ZAN: variants seen among roughly 807,000 people sequenced by gnomAD.
ZAN encodes the protein zonadhesin, also known as zonadhesin (gene/pseudogene).
ZAN carries 260 observed loss-of-function variants against 286.2 expected under a neutral mutation model. That is an observed-to-expected ratio of 0.91 (90% CI 0.82 to 1.01). The LOEUF is 1.01. Among genes scored for constraint, ZAN ranks in the 50% least tolerant of loss-of-function variants. ZAN has a pLI of 0.00. For missense variants in ZAN, 3,410 were observed against 3,639.2 expected (o/e 0.94, Z 1.62); for synonymous variants, 1,368 against 1,417.5 (o/e 0.97, Z 0.79).
chr7:100,796,017 T>C (rs949210594), intron 45 of ZAN, among the ~76,000 whole-genome samples: 1 of 151,706 alleles, frequency 6.6e-6, no homozygotes, highest in Non-Finnish European at 1.5e-5. Context: ...GAGGCAGAGG[T>C]TGCAGTGAGC....
chr7:100,792,368 A>G (rs748160312), intron 41 of ZAN, 37 bp from the exon 42 acceptor site: 29 of 1,569,288 alleles, frequency 1.8e-5, no homozygotes, highest in South Asian at 2.3e-5. Context: ...CCCCTCCCCA[A>G]ACTGACTGTG....
chr7:100,771,905 T>C lies in ZAN; in HGVS notation c.5310T>C (p.His1770=), dbSNP rs750337205. 7.4e-6 allele frequency: 12 copies of C among 1,613,150 alleles called. No homozygotes were observed. In the East Asian group the frequency reaches 2.0e-4, roughly 27 times the overall value. ...AGTCCAGCTTTGCCAGTTGCGTGCA[T>C]GGTCAGTGTGGGACCAAGGGCGACA... ...PPQSSFASCV[H]GQCGTKGDTT... is the part of the protein sequence containing the mutation. Residue 1770 remains histidine (H), a synonymous_variant, in exon 29 of 48, where the codon CAT becomes CAC. Coordinates refer to ENST00000613979, the MANE Select transcript of ZAN (RefSeq NM_003386.3).
intron 33 of ZAN, 123 bp downstream of exon 33, chr7:100,775,956 A>G (rs2116171248): frequency 7.8e-7 from 1 of 1,276,568 alleles, no homozygotes; most frequent in East Asian, 2.5e-5. Context: ...AGGATGGAGC[A>G]GGGCAGTGGA....
intron 8 of ZAN, among the ~76,000 whole-genome samples, chr7:100,746,981 G>A (rs1808268161): frequency 6.6e-6 from 1 of 152,174 alleles, no homozygotes; most frequent in Non-Finnish European, 1.5e-5. Flanking sequence ...CTACACGGGA[G>A]GCTGAGGCAG....
chr7:100,763,984 C>T lies in ZAN; in HGVS notation c.4098-43C>T, dbSNP rs1309358617. On this transcript the variant is annotated intron_variant, in intron 21 of 47. Transcript: ENST00000613979. This position sits in a 1 kb window ranked among gnomAD's most constrained non-coding sequence, Gnocchi z 4.6. ...GCACCTGGGCTCCTCCAAGGCTCTACCCCCTTCCACTGCATTCCCCCTGAC... is the reference window on the plus strand; with the variant it reads ...GCACCTGGGCTCCTCCAAGGCTCTATCCCCTTCCACTGCATTCCCCCTGAC... 1.9e-6 allele frequency: 3 copies of T among 1,613,692 alleles called. No homozygotes were observed. The highest frequency in any genetic ancestry group is 2.2e-5 in the South Asian group (2 of 91,080).
intron 17 of ZAN, among the ~76,000 whole-genome samples, chr7:100,759,516 G>A (rs1467233888): frequency 1.3e-5 from 2 of 152,180 alleles, no homozygotes; most frequent in Non-Finnish European, 2.9e-5. Context: ...GCCACTGAGT[G>A]GAGACAGACA....
chr7:100,784,836 TGA>T lies in ZAN; in HGVS notation c.6834+4_6834+5del, dbSNP rs1376562693. 6.3e-7 allele frequency: 1 copy of T among 1,584,796 alleles called. No homozygotes were observed. The highest frequency in any genetic ancestry group is 8.6e-7 in the Non-Finnish European group (1 of 1,163,052). Reference sequence around the variant, plus strand: ...GATGCCCATGGTGGCTCCATCCCTGTGAGTGGGCATGGGAAATGGGACTGGAG... The same window carrying T: ...GATGCCCATGGTGGCTCCATCCCTGTGTGGGCATGGGAAATGGGACTGGAG... On this transcript the variant is annotated splice_donor_region_variant and intron_variant, in intron 36 of 47. Coordinates refer to ENST00000613979, the MANE Select transcript of ZAN (RefSeq NM_003386.3).
rs759391320 is a variant in ZAN, at chr7:100,788,101, T to G, written c.7192T>G (p.Tyr2398Asp). The G allele has an allele frequency of 9.2e-5, 143 of 1,553,996 alleles. No individual in the cohort carries two copies. Among genetic ancestry groups the G allele is most frequent in the Non-Finnish European group, 1.2e-4 (137 of 1,140,448 alleles). Residue 2398 changes from tyrosine (Y) to aspartate (D), a missense_variant, in exon 38 of 48, where the codon TAT (tyrosine) becomes GAT (aspartate). By Grantham distance (160) the Tyr-to-Asp change is radical. Around this residue, in one of 7 missense-constraint regions of ZAN, gnomAD observed 1,289 missense variants for 1,314.3 expected, o/e 0.98. Coordinates refer to ENST00000613979, the MANE Select transcript of ZAN (RefSeq NM_003386.3). ...GGAAGTGATTACCACCGTCTACGGC[T>G]ATAAAGTGCAGCTCCAAGCTGGTCT... is the stretch of plus-strand genomic sequence containing the variant. The part of the protein sequence containing the change: ...LQEVITTVYG[Y>D]KVQLQAGLEL...
intron 28 of ZAN, among the ~76,000 whole-genome samples, chr7:100,771,476 G>A (rs1353872114): frequency 1.3e-5 from 2 of 150,698 alleles, no homozygotes; most frequent in Non-Finnish European, 2.9e-5. Context: ...CTGTTGCCCA[G>A]GCTGGAGTGC....
At chr7:100,768,887 T>C (rs1228142584) in intron 27 of ZAN, among the ~76,000 whole-genome samples, 166 bp downstream of exon 27, 1 of 152,136 alleles carries the variant, frequency 6.6e-6, no homozygotes, top group African/African-American at 2.4e-5. Context: ...AGATTGGAGT[T>C]GGTAAGAAGC....
intron 29 of ZAN, 132 bp from the exon 30 acceptor site, chr7:100,773,153 C>T (rs1810503093): frequency 1.0e-6 from 1 of 966,710 alleles, no homozygotes; most frequent in Non-Finnish European, 1.5e-6. Flanking sequence ...ATCCACCTGC[C>T]TCGGCCTCCC....
At chr7:100,776,745 A>T (rs1159773955) in intron 34 of ZAN, among the ~76,000 whole-genome samples, 181 bp downstream of exon 34, 2 of 3,036 alleles carry the variant, frequency 6.6e-4, no homozygotes, top group Non-Finnish European at 1.1e-3. Flanking sequence ...TTTTTTTTTG[A>T]GACGGAGTCT....
At position 100,775,537 on chromosome 7, in the gene ZAN, G is replaced by C. The variant is rs1327433447; in HGVS notation, c.5989G>C (p.Asp1997His). 1.9e-6 allele frequency: 3 copies of C among 1,613,800 alleles called. No individual in the cohort carries two copies. The highest frequency in any genetic ancestry group is 1.3e-5 in the African/African-American group (1 of 74,938). Reference protein sequence around the residue: ...RLHEVYIDIYDAQVTLQKGHR... With the variant: ...RLHEVYIDIYHAQVTLQKGHR... ...TCATGAGGTCTACATTGACATCTACGATGCCCAGGTCACCCTGCAGAAGGG... is the reference window on the plus strand; with the variant it reads ...TCATGAGGTCTACATTGACATCTACCATGCCCAGGTCACCCTGCAGAAGGG... Residue 1997 changes from aspartate to histidine, a missense_variant, in exon 32 of 48, where the codon GAT (aspartate) becomes CAT (histidine). Physicochemically the swap from Asp to His is moderately conservative, Grantham distance 81. Transcript: ENST00000613979.
Position 100,736,528 on chromosome 7 carries a change from G to GTGAC in ZAN, c.155_158dup (p.Trp53Ter). The GTGAC allele has an allele frequency of 6.6e-7, 1 of 1,524,064 alleles. No individual in the cohort carries two copies. The highest frequency in any genetic ancestry group is 9.0e-7 in the Non-Finnish European group (1 of 1,108,098). The allele number at this position is 1,524,064 out of a possible 1,614,324, so 94.4% of individuals were successfully genotyped here. A position where few individuals can be genotyped will look rare whatever the true frequency, so the allele number is the denominator to read the frequency against. ...TTTGAGGATGACGCCAAACCCCTCT[G>GTGAC]TGACTGGTCCCAAGTGTCCGCAGAC... On this transcript the variant is annotated frameshift_variant, in exon 4 of 48. Coordinates refer to ENST00000613979, the MANE Select transcript of ZAN (RefSeq NM_003386.3). LOFTEE classifies it high-confidence loss of function.
chr7:100,754,016 T>C (rs1808976025), intron 14 of ZAN, among the ~76,000 whole-genome samples: 1 of 151,960 alleles, frequency 6.6e-6, no homozygotes. Flanking sequence ...CACATTTCTT[T>C]CCTATATCCA....
chr7:100,738,676 C>G, intron 7 of ZAN, 63 bp downstream of exon 7: 1 of 1,435,626 alleles, frequency 7.0e-7, no homozygotes, highest in South Asian at 1.2e-5. Context: ...ACGATAATTG[C>G]CCTGGGACGG....
Position 100,776,446 on chromosome 7 carries a change from G to A in ZAN, c.6199G>A (p.Gly2067Ser), listed in dbSNP as rs541847729. ...AACCACTCTCCCCCGCCAGGTCTGC[G>A]GCATGTGTGGGAACTTCAATGATGA... ...IPTTYYGKVCGMCGNFNDEEE... is the reference protein window; with the variant it reads ...IPTTYYGKVCSMCGNFNDEEE... Residue 2067 changes from glycine to serine, a missense_variant, in exon 34 of 48, where the codon GGC becomes AGC. Coordinates refer to ENST00000613979, the MANE Select transcript of ZAN (RefSeq NM_003386.3). The A allele has an allele frequency of 4.3e-5, 69 of 1,605,612 alleles. No individual in the cohort carries two copies. The highest frequency in any genetic ancestry group is 1.3e-4 in the East Asian group (6 of 44,652).
Position 100,792,057 on chromosome 7 carries a change from A to G in ZAN, c.7621A>G (p.Ser2541Gly), listed in dbSNP as rs1812006230. 3.7e-6 allele frequency: 6 copies of G among 1,613,096 alleles called. No individual in the cohort carries two copies. Among genetic ancestry groups the G allele is most frequent in the African/African-American group, 2.7e-5 (2 of 74,922 alleles). The change falls in exon 41 of 48, where the codon AGC becomes GGC. Residue 2541 changes from serine (S) to glycine (G), a missense_variant. By Grantham distance (56) the Ser-to-Gly change is moderately conservative (BLOSUM62 0). This residue lies in a region of ZAN where 1,289 missense variants were observed against 1,314.3 expected (regional missense o/e 0.98). Transcript: ENST00000613979. ...CGAATGTAGCCCGGAGCAGCTGGCGAGCAACAGCACCCAGGCCTGTAGGGT... is the reference window on the plus strand; with the variant it reads ...CGAATGTAGCCCGGAGCAGCTGGCGGGCAACAGCACCCAGGCCTGTAGGGT... Reference protein sequence around the residue: ...VSECSPEQLASNSTQACRVLA... With the variant: ...VSECSPEQLAGNSTQACRVLA...
At chr7:100,777,605 G>A (rs575126288) in intron 34 of ZAN, among the ~76,000 whole-genome samples, 37 of 151,770 alleles carry the variant, frequency 2.4e-4, no homozygotes, top group African/African-American at 8.7e-4. Flanking sequence ...CAAGTGATCC[G>A]CCCCACTCAG....
Sources: allele counts gnomAD v4.1 joint callset (sites outside exome capture counted in the v4.1 genomes callset), GRCh38; gene constraint gnomAD v4.1.1; regional missense constraint gnomAD v4.1.1; non-coding constraint Gnocchi (gnomAD v3.1); transcripts MANE v1.5; gene names NCBI Gene and HGNC (gene_info 2026-07-23, HGNC 2026-07-21).